Variants in SGCZ observed in about 807,000 individuals in gnomAD.
SGCZ encodes zeta-sarcoglycan.
SGCZ carries 40 observed loss-of-function variants against 41.3 expected under a neutral mutation model. The observed-to-expected ratio is 0.97, with a 90% CI of 0.75 to 1.26. SGCZ has a LOEUF of 1.26. Among genes scored for constraint, SGCZ ranks in the 50% most tolerant of loss-of-function variants. The pLI is 0.00. For missense variants in SGCZ, 552 were observed against 369.8 expected, an observed-to-expected ratio of 1.49 and a Z score of -4.04; for synonymous variants, 206 against 137.5, an observed-to-expected ratio of 1.50 and a Z score of -3.49.
At chr8:14,942,477 T>C (rs534228954) in intron 1 of SGCZ, among the ~76,000 whole-genome samples, 2 of 152,236 alleles carry the variant, frequency 1.3e-5, no homozygotes, top group South Asian at 4.1e-4. Context: ...TAGGATGATA[T>C]AAATTGGAGA....
intron 1 of SGCZ, among the ~76,000 whole-genome samples, chr8:14,669,200 T>TAC (rs1366174121): frequency 6.7e-6 from 1 of 148,678 alleles, no homozygotes; most frequent in African/African-American, 2.5e-5. Flanking sequence ...TACAAATATA[T>TAC]ATATATATAT....
At chr8:15,234,678 G>A (rs1802065775) in intron 1 of SGCZ, among the ~76,000 whole-genome samples, 2 of 152,076 alleles carry the variant, frequency 1.3e-5, no homozygotes, top group Non-Finnish European at 2.9e-5. Context: ...CTTATCTTTA[G>A]TTTAAAAGCT....
Position 14,108,320 on chromosome 8 carries a change from C to A in SGCZ, c.548-85G>T, listed in dbSNP as rs939815064. 3.2e-6 allele frequency: 4 copies of A among 1,252,964 alleles called. No homozygotes were observed. The Admixed American group carries it at 7.8e-5, about 24-fold the overall frequency. The allele number at this position is 1,252,964 out of a possible 1,614,324, so 77.6% of individuals were successfully genotyped here. On this transcript the variant is annotated intron_variant, in intron 5 of 7. Transcript: ENST00000382080. The stretch of plus-strand genomic sequence containing the variant: ...CTATGTTTATGCATCAAATATTCTT[C>A]CAAAACAGAGAAAACTTAAAACAGG...
intron 1 of SGCZ, among the ~76,000 whole-genome samples, chr8:15,097,133 T>G (rs780939012): frequency 2.8e-4 from 42 of 152,184 alleles, no homozygotes; most frequent in Non-Finnish European, 3.7e-4. Context: ...AACATCTTTC[T>G]TGAAGCTACA....
intron 2 of SGCZ, among the ~76,000 whole-genome samples, chr8:14,551,508 T>A (rs1228251480): frequency 0.046 from 215 of 4,710 alleles, 15 homozygotes; most frequent in Non-Finnish European, 0.054. Flanking sequence ...TTATATATAT[T>A]ATATATATTA....
At chr8:14,670,705 C>A (rs566594289) in intron 1 of SGCZ, among the ~76,000 whole-genome samples, 17 of 152,266 alleles carry the variant, frequency 1.1e-4, no homozygotes, top group African/African-American at 1.4e-4. Context: ...AAGTCCTAAG[C>A]TGTTTGCATA....
chr8:14,861,916 T>C (rs922603418), intron 1 of SGCZ, among the ~76,000 whole-genome samples: 1 of 152,102 alleles, frequency 6.6e-6, no homozygotes, highest in Non-Finnish European at 1.5e-5. Context: ...TAATACTAAC[T>C]GAAATGGATA....
chr8:14,942,973 T>G (rs917954539), intron 1 of SGCZ, among the ~76,000 whole-genome samples: 1 of 152,174 alleles, frequency 6.6e-6, no homozygotes, highest in African/African-American at 2.4e-5. Context: ...TTAGATTGAT[T>G]GCTGAATCAT....
chr8:14,344,838 A>AT (rs11353205), intron 2 of SGCZ, among the ~76,000 whole-genome samples: 10 of 151,526 alleles, frequency 6.6e-5, no homozygotes, highest in South Asian at 6.2e-4. Context: ...TAAAACTACA[A>AT]TTTTTTTTTA....
In SGCZ at chr8:14,734,715, T is replaced by C. The variant is rs542032743; in HGVS notation, c.40-179789A>G. Among the ~76,000 whole-genome samples, 17 of 152,268 alleles carry C rather than the reference T, an allele frequency of 1.1e-4. No homozygotes were observed. In the South Asian group the frequency reaches 3.3e-3, roughly 30 times the overall value. ...CTTCCTCTACATTAAGTGCTCTTGA[T>C]TGCATAGTATTAAACAAGAAAAGCT... On this transcript the variant is annotated intron_variant, in intron 1 of 7. Transcript: ENST00000382080.
chr8:15,072,375 AC>A (rs1563485441), intron 1 of SGCZ, among the ~76,000 whole-genome samples: 2 of 152,316 alleles, frequency 1.3e-5, no homozygotes, highest in African/African-American at 2.4e-5. Flanking sequence ...AGCAACATCA[AC>A]AAAAAACCCC....
chr8:15,082,245 A>C (rs553892183), intron 1 of SGCZ, among the ~76,000 whole-genome samples: 8 of 152,044 alleles, frequency 5.3e-5, no homozygotes, highest in Non-Finnish European at 8.8e-5. Context: ...AAATAAATAA[A>C]TAAAAATAAG....
chr8:14,635,534 T>G (rs2117410280), intron 1 of SGCZ, among the ~76,000 whole-genome samples: 1 of 152,096 alleles, frequency 6.6e-6, no homozygotes, highest in South Asian at 2.1e-4. Context: ...ACTCTGAAAA[T>G]ATTCAGTGGA....
In SGCZ at chr8:14,461,792, TA is replaced by T. The variant is rs1046570654; in HGVS notation, c.234+92939del. On this transcript the variant is annotated intron_variant, in intron 2 of 7. Transcript: ENST00000382080. ...AAAATATTTATGATTTCACTTCTTA[TA>T]AAAAAATTCTGAAAGCTGCCATCAC... Among the ~76,000 whole-genome samples, 8 of 152,164 alleles carry T rather than the reference TA, an allele frequency of 5.3e-5. No homozygotes were observed. The South Asian group carries it at 1.2e-3, about 24-fold the overall frequency.
chr8:15,158,889 A>G (rs1799412876), intron 1 of SGCZ, among the ~76,000 whole-genome samples: 1 of 152,220 alleles, frequency 6.6e-6, no homozygotes, highest in Admixed American at 6.5e-5. Flanking sequence ...CTCTGTGGTC[A>G]GGTAATGGCA....
chr8:14,871,630 C>T (rs1306728089), intron 1 of SGCZ, among the ~76,000 whole-genome samples: 1 of 151,742 alleles, frequency 6.6e-6, no homozygotes, highest in Non-Finnish European at 1.5e-5. Context: ...ACAGTGAAAC[C>T]CCATCTCTAC....
At chr8:14,250,255 C>A (rs1390282335) in intron 3 of SGCZ, among the ~76,000 whole-genome samples, 1 of 152,094 alleles carries the variant, frequency 6.6e-6, no homozygotes, top group Non-Finnish European at 1.5e-5. Context: ...TAGAACATTG[C>A]AATTGTTGCA....
intron 1 of SGCZ, among the ~76,000 whole-genome samples, chr8:15,063,721 G>A (rs1354244434): frequency 1.3e-5 from 2 of 152,082 alleles, no homozygotes; most frequent in African/African-American, 4.8e-5. Context: ...ATGCATGACT[G>A]GTTATTACTG....
At chr8:15,002,024 A>C (rs73665356) in intron 1 of SGCZ, among the ~76,000 whole-genome samples, 9,653 of 152,214 alleles carry the variant, frequency 0.063, 645 homozygotes, top group African/African-American at 0.17. Context: ...ATAAAAGAAC[A>C]TAAAACATAA....
Sources: allele counts gnomAD v4.1 joint callset (sites outside exome capture counted in the v4.1 genomes callset), GRCh38; gene constraint gnomAD v4.1.1; transcripts MANE v1.5; gene names NCBI Gene and HGNC (gene_info 2026-07-23, HGNC 2026-07-21).